The following PPP5C variants were observed in gnomAD, a reference collection of about 807,000 sequenced individuals.
PPP5C encodes the protein serine/threonine-protein phosphatase 5.
In PPP5C, 21 loss-of-function variants were observed where a neutral mutation model predicts 66.7. That is an observed-to-expected ratio of 0.31 (90% CI 0.22 to 0.45). The LOEUF (loss-of-function observed/expected upper bound fraction) is 0.45. Among genes scored for constraint, PPP5C ranks in the 20% least tolerant of loss-of-function variants. The pLI, the probability that PPP5C is intolerant of heterozygous loss-of-function variation, is 1.00. For synonymous variants in PPP5C, 246 were observed against 257.4 expected, an observed-to-expected ratio of 0.96 and a Z score of 0.43; for missense variants, 464 against 675.9, an observed-to-expected ratio of 0.69 and a Z score of 3.48.
chr19:46,387,902 C>T (rs1972919542), intron 9 of PPP5C: 1 of 365,314 alleles, frequency 2.7e-6, no homozygotes, highest in Non-Finnish European at 4.9e-6. Flanking sequence ...TGAGCTGACA[C>T]TGCGGGAAGC....
chr19:46,386,485 C>T (rs934465306), intron 7 of PPP5C, among the ~76,000 whole-genome samples: 6 of 151,608 alleles, frequency 4.0e-5, no homozygotes, highest in Non-Finnish European at 5.9e-5. Context: ...TGAGCAGATG[C>T]GAGACTGGGC....
chr19:46,361,129 A>G (rs12971820), intron 2 of PPP5C, among the ~76,000 whole-genome samples: 1 of 140,224 alleles, frequency 7.1e-6, no homozygotes, highest in African/African-American at 2.6e-5. Context: ...GTGAAAGAAA[A>G]TTTTTTTTTT....
At chr19:46,372,923 C>A (rs1216293253) in intron 2 of PPP5C, among the ~76,000 whole-genome samples, 1 of 152,246 alleles carries the variant, frequency 6.6e-6, no homozygotes, top group African/African-American at 2.4e-5. Flanking sequence ...CCCAGCAGGG[C>A]ATCTTCACTG....
At chr19:46,348,028 G>A (rs1351333512) in intron 1 of PPP5C, among the ~76,000 whole-genome samples, 5 of 152,026 alleles carry the variant, frequency 3.3e-5, no homozygotes, top group Non-Finnish European at 7.4e-5. Context: ...GCAGTGTGAT[G>A]AAGTAGAGAA....
In PPP5C at chr19:46,376,162, A is replaced by G. The variant is rs1180182194; in HGVS notation, c.512-291A>G. 6.6e-6 allele frequency among the ~76,000 whole-genome samples: 1 copy of G among 152,170 alleles called. No individual in the cohort carries two copies. Among genetic ancestry groups the G allele is most frequent in the Non-Finnish European group, 1.5e-5 (1 of 68,028 alleles). On this transcript the variant is annotated intron_variant, in intron 3 of 12. Coordinates refer to ENST00000012443, the MANE Select transcript of PPP5C (RefSeq NM_006247.4). This position sits in a 1 kb window ranked among gnomAD's most constrained non-coding sequence, Gnocchi z 5.1. ...TATGAACAAAACCCTTCCTGTCCACATGGAGCCGATATTCTAGGAGGGAGA... is the reference window on the plus strand; with the variant it reads ...TATGAACAAAACCCTTCCTGTCCACGTGGAGCCGATATTCTAGGAGGGAGA...
intron 2 of PPP5C, among the ~76,000 whole-genome samples, chr19:46,367,952 G>C (rs540818894): frequency 1.3e-5 from 2 of 152,088 alleles, no homozygotes; most frequent in African/African-American, 4.8e-5. Flanking sequence ...CATTTCCCCC[G>C]TTCCAGCTGC....
rs202038384 is a variant in PPP5C at position 46,361,128 on chromosome 19, A to ATTTTTTTTTTTTTTTT, written c.363+7139_363+7140insTTTTTTTTTTTTTTTT. Among the ~76,000 whole-genome samples the ATTTTTTTTTTTTTTTT allele has an allele frequency of 2.2e-5, 3 of 133,416 alleles. 1 individual carries two copies. The highest frequency in any genetic ancestry group is 3.2e-5 in the Non-Finnish European group (2 of 63,144). 87.5% of individuals were successfully genotyped at this position (133,416 alleles called of 152,430 possible). On this transcript the variant is annotated intron_variant, in intron 2 of 12. Coordinates refer to ENST00000012443, the MANE Select transcript of PPP5C (RefSeq NM_006247.4). ...TTTACCCAAAAGATAAGTGAAAGAA[A>ATTTTTTTTTTTTTTTT]ATTTTTTTTTTTTTTTTTTGAGACG...
At chr19:46,375,501 G>A (rs183597699) in intron 2 of PPP5C, 103 bp from the exon 3 acceptor site, 78 of 1,496,386 alleles carry the variant, frequency 5.2e-5, no homozygotes, top group African/African-American at 4.2e-4. Flanking sequence ...GCGCCCAGGC[G>A]GTCTGACTTC....
chr19:46,355,184 G>A (rs1024232752), intron 2 of PPP5C, among the ~76,000 whole-genome samples: 7 of 152,232 alleles, frequency 4.6e-5, no homozygotes, highest in African/African-American at 1.7e-4. Context: ...CTCAGAGTTC[G>A]CTCCCTGAGA....
chr19:46,370,826 C>T (rs149228608), intron 2 of PPP5C, among the ~76,000 whole-genome samples: 1,953 of 152,004 alleles, frequency 0.013, 35 homozygotes, highest in Non-Finnish European at 0.014. Context: ...CTGCAAGCTC[C>T]GCCTCCCGGG....
At position 46,383,381 on chromosome 19, in the gene PPP5C, C is replaced by G; in HGVS notation, c.634-30C>G. ...CAGGTTGGGCAGCAGCCCCTGCAGCCGGTCCCACTGAGTCTGCCCTGCCTT... is the reference window on the plus strand; with the variant it reads ...CAGGTTGGGCAGCAGCCCCTGCAGCGGGTCCCACTGAGTCTGCCCTGCCTT... On this transcript the variant is annotated intron_variant, in intron 4 of 12. Transcript: ENST00000012443. The surrounding 1 kb of genome is among the most constrained non-coding windows in gnomAD (Gnocchi z 5.0). 2.5e-6 allele frequency: 4 copies of G among 1,603,710 alleles called. No individual in the cohort carries two copies. Among genetic ancestry groups the G allele is most frequent in the Non-Finnish European group, 3.4e-6 (4 of 1,175,400 alleles).
intron 1 of PPP5C, among the ~76,000 whole-genome samples, chr19:46,353,370 C>T (rs1199344935): frequency 6.6e-6 from 1 of 152,172 alleles, no homozygotes; most frequent in East Asian, 1.9e-4. Context: ...CCTGCCTCAT[C>T]TCTCCTCCCC....
At chr19:46,349,906 G>A (rs901948717) in intron 1 of PPP5C, among the ~76,000 whole-genome samples, 3 of 152,078 alleles carry the variant, frequency 2.0e-5, no homozygotes, top group Non-Finnish European at 2.9e-5. Flanking sequence ...AGCAGAGCCA[G>A]GCATGGAGGC....
At chr19:46,381,588 A>G (rs1972792005) in intron 4 of PPP5C, 1 of 152,196 alleles carries the variant, frequency 6.6e-6, no homozygotes, top group Non-Finnish European at 1.5e-5. Context: ...CTCTACAAAA[A>G]AAATACAAAA....
intron 1 of PPP5C, among the ~76,000 whole-genome samples, chr19:46,348,811 G>A (rs981307977): frequency 3.9e-5 from 6 of 152,142 alleles, no homozygotes; most frequent in African/African-American, 4.8e-5. Context: ...GAAAGGTGTC[G>A]GGAAGGCTGA....
At chr19:46,357,028 G>A (rs1972298824) in intron 2 of PPP5C, among the ~76,000 whole-genome samples, 1 of 152,122 alleles carries the variant, frequency 6.6e-6, no homozygotes. Flanking sequence ...AACAACCAAA[G>A]TGTTTTTTCT....
Position 46,383,748 on chromosome 19 carries a change from CCG to C in PPP5C, c.700-31_700-30del. On this transcript the variant is annotated intron_variant, in intron 5 of 12. Coordinates refer to ENST00000012443, the MANE Select transcript of PPP5C (RefSeq NM_006247.4). This position sits in a 1 kb window ranked among gnomAD's most constrained non-coding sequence, Gnocchi z 5.0. ...CCCCTCCCCACGTCTCTCTCTCGGCCCGTCCCTCTCCGGTGGCCTCTTTTCTT... is the reference window on the plus strand; with the variant it reads ...CCCCTCCCCACGTCTCTCTCTCGGCCTCCCTCTCCGGTGGCCTCTTTTCTT... The C allele has an allele frequency of 4.1e-5, 62 of 1,530,820 alleles. No homozygotes were observed. The highest frequency in any genetic ancestry group is 5.3e-5 in the Non-Finnish European group (59 of 1,104,878). The allele number at this position is 1,530,820 out of a possible 1,614,324, so 94.8% of individuals were successfully genotyped here.
intron 7 of PPP5C, 184 bp from the exon 8 acceptor site, chr19:46,386,908 CA>C: frequency 2.5e-6 from 2 of 785,068 alleles, no homozygotes; most frequent in Non-Finnish European, 4.0e-6. Flanking sequence ...GGTGCTTAGC[CA>C]TGGACCTACT....
intron 1 of PPP5C, among the ~76,000 whole-genome samples, chr19:46,352,524 G>A (rs1459659830): frequency 6.6e-6 from 1 of 152,176 alleles, no homozygotes; most frequent in African/African-American, 2.4e-5. Flanking sequence ...GCCTGGCTCA[G>A]AAGGCCCACT....
Sources: allele counts gnomAD v4.1 joint callset (sites outside exome capture counted in the v4.1 genomes callset), GRCh38; gene constraint gnomAD v4.1.1; non-coding constraint Gnocchi (gnomAD v3.1); transcripts MANE v1.5; gene names NCBI Gene and HGNC (gene_info 2026-07-23, HGNC 2026-07-21).